Variants in ZRANB3 observed in about 807,000 individuals in gnomAD.
The protein encoded by ZRANB3 is zinc finger RANBP2-type containing 3.
A neutral mutation model predicts 133.8 loss-of-function variants in ZRANB3; 125 were observed. The ratio of observed to expected loss-of-function variants is 0.93; its 90% CI spans 0.81 to 1.08. The LOEUF is 1.08. Ranked by LOEUF, ZRANB3 falls within the 50% of genes least tolerant of loss-of-function variation. The probability of loss-of-function intolerance (pLI) is 0.00; values close to 1 mark genes in which losing one functional copy is unlikely to be tolerated. For synonymous variants in ZRANB3, 387 were observed against 432.7 expected (o/e 0.89, Z 1.31); for missense variants, 1,229 against 1,275.5 (o/e 0.96, Z 0.56).
chr2:135,295,052 G>A (rs1681975478), intron 8 of ZRANB3, among the ~76,000 whole-genome samples: 1 of 152,184 alleles, frequency 6.6e-6, no homozygotes, highest in African/African-American at 2.4e-5. Flanking sequence ...GTGGTGTGGT[G>A]CTGAAAAGAA....
chr2:135,403,568 C>T (rs779702683), intron 2 of ZRANB3, among the ~76,000 whole-genome samples: 8 of 152,224 alleles, frequency 5.3e-5, no homozygotes, highest in Non-Finnish European at 1.0e-4. Context: ...CCTCTGCAGA[C>T]TTAAATGTTC....
At chr2:135,253,079 A>G (rs963424538) in intron 12 of ZRANB3, among the ~76,000 whole-genome samples, 1 of 152,218 alleles carries the variant, frequency 6.6e-6, no homozygotes, top group South Asian at 2.1e-4. Context: ...AATAAAAAGG[A>G]ACTGGCTTTA....
chr2:135,353,262 G>A (rs1685287538), intron 4 of ZRANB3, 188 bp downstream of exon 4: 1 of 350,626 alleles, frequency 2.9e-6, no homozygotes, highest in Non-Finnish European at 5.0e-6. Context: ...AAGGAACTTA[G>A]AACTAAAATA....
chr2:135,309,684 T>TA (rs1487447610), intron 8 of ZRANB3, among the ~76,000 whole-genome samples: 1 of 152,084 alleles, frequency 6.6e-6, no homozygotes, highest in Admixed American at 6.6e-5. Context: ...CAAAATGTAT[T>TA]AAAAAAACTA....
intron 6 of ZRANB3, among the ~76,000 whole-genome samples, chr2:135,331,676 G>A (rs1684145831): frequency 6.6e-6 from 1 of 152,110 alleles, no homozygotes; most frequent in African/African-American, 2.4e-5. Flanking sequence ...ATTATTGTTT[G>A]GGAGTCTAGG....
At chr2:135,467,944 G>A (rs1574149046) in intron 2 of ZRANB3, among the ~76,000 whole-genome samples, 1 of 152,118 alleles carries the variant, frequency 6.6e-6, no homozygotes, top group East Asian at 1.9e-4. Context: ...GGAGATACCA[G>A]CTCAATATAC....
In ZRANB3 at chr2:135,505,578, A is replaced by G. The variant is rs982753143; in HGVS notation, c.-7-1082T>C. On this transcript the variant is annotated intron_variant, in intron 1 of 20. Coordinates refer to ENST00000264159, the MANE Select transcript of ZRANB3 (RefSeq NM_032143.4). ...GACAGAGTGAGACTCTGTCTCAAGGAAAAAAAAAAAAAGTTTGCTTTTTTC... is the reference window on the plus strand; with the variant it reads ...GACAGAGTGAGACTCTGTCTCAAGGGAAAAAAAAAAAAGTTTGCTTTTTTC... Among the ~76,000 whole-genome samples the G allele has an allele frequency of 3.5e-5, 5 of 142,294 alleles. No homozygotes were observed. The Admixed American group carries it at 3.6e-4, about 10-fold the overall frequency. 93.4% of individuals were successfully genotyped at this position (142,294 alleles called of 152,430 possible). A position where few individuals can be genotyped will look rare whatever the true frequency, so the allele number is the denominator to read the frequency against.
chr2:135,361,350 A>G (rs564792864), intron 3 of ZRANB3, among the ~76,000 whole-genome samples: 28 of 152,326 alleles, frequency 1.8e-4, no homozygotes, highest in Admixed American at 1.2e-3. Context: ...GAATACATTA[A>G]CCTCAAGAAC....
At chr2:135,224,685 T>C (rs932443692) in intron 14 of ZRANB3, among the ~76,000 whole-genome samples, 168 bp from the exon 15 acceptor site, 4 of 152,206 alleles carry the variant, frequency 2.6e-5, no homozygotes, top group African/African-American at 4.8e-5. Flanking sequence ...CGGTAGGCCA[T>C]TGAAGAGCAT....
chr2:135,218,849 A>G (rs904458762), intron 16 of ZRANB3, among the ~76,000 whole-genome samples: 2 of 152,250 alleles, frequency 1.3e-5, no homozygotes, highest in Non-Finnish European at 2.9e-5. Context: ...ATCCACAGAA[A>G]CAGCAACTGT....
rs752526961 is a variant in ZRANB3, at chr2:135,207,818, T to G, written c.2625A>C (p.Gly875=). The G allele has an allele frequency of 6.3e-7, 1 of 1,593,338 alleles. No individual in the cohort carries two copies. Among genetic ancestry groups the G allele is most frequent in the South Asian group, 1.1e-5 (1 of 90,246 alleles). Residue 875 remains glycine (G), a synonymous_variant, in exon 19 of 21, where the codon GGA becomes GGC. Coordinates refer to ENST00000264159, the MANE Select transcript of ZRANB3 (RefSeq NM_032143.4). ...DPFTKKLLED[G]ACVPFLNPYT... ...ATGGATTTAGAAATGGGACACAGGC[T>G]CCATCTTCAAGAAGTTTTCTACAAT...
chr2:135,530,375 C>T (rs1694468842), intron 1 of ZRANB3: 1 of 152,126 alleles, frequency 6.6e-6, no homozygotes, highest in African/African-American at 2.4e-5. Flanking sequence ...GATTGAAGGC[C>T]GGGGTGGAGA....
Position 135,198,178 on chromosome 2 carries a change from T to G in ZRANB3, c.*2164A>C, listed in dbSNP as rs1309568118. 1.3e-5 allele frequency: 2 copies of G among 152,232 alleles called. No homozygotes were observed. The highest frequency in any genetic ancestry group is 6.5e-5 in the Admixed American group (1 of 15,278). 9.4% of individuals were successfully genotyped at this position (152,232 alleles called of 1,614,324 possible). On this transcript the variant is annotated 3_prime_UTR_variant, in exon 21 of 21. Coordinates refer to ENST00000264159, the MANE Select transcript of ZRANB3 (RefSeq NM_032143.4). ...CTTGCTCTGACACTTTCTGTGTCCCTCTGTCATAACCTCCCATTTGCAATA... is the reference window on the plus strand; with the variant it reads ...CTTGCTCTGACACTTTCTGTGTCCCGCTGTCATAACCTCCCATTTGCAATA...
chr2:135,407,988 C>T (rs1461406714), intron 2 of ZRANB3, among the ~76,000 whole-genome samples: 2 of 151,662 alleles, frequency 1.3e-5, no homozygotes, highest in East Asian at 3.9e-4. Context: ...TCTAATTAAA[C>T]TAAAGAGCTT....
intron 2 of ZRANB3, among the ~76,000 whole-genome samples, chr2:135,439,455 A>G (rs1211890636): frequency 6.6e-6 from 1 of 152,148 alleles, no homozygotes; most frequent in Non-Finnish European, 1.5e-5. Flanking sequence ...AAAATGCAGA[A>G]TCTTGTTTTG....
At chr2:135,253,061 G>C (rs1016017691) in intron 12 of ZRANB3, among the ~76,000 whole-genome samples, 1 of 152,144 alleles carries the variant, frequency 6.6e-6, no homozygotes, top group Non-Finnish European at 1.5e-5. Context: ...CATACCAATA[G>C]CCTCATGAAT....
chr2:135,499,749 T>C (rs576723577), intron 2 of ZRANB3, among the ~76,000 whole-genome samples: 1 of 152,302 alleles, frequency 6.6e-6, no homozygotes, highest in African/African-American at 2.4e-5. Flanking sequence ...TTAAACACTG[T>C]TGATACAAGT....
intron 11 of ZRANB3, among the ~76,000 whole-genome samples, chr2:135,266,357 C>T (rs1680247579): frequency 1.3e-5 from 2 of 152,182 alleles, no homozygotes; most frequent in South Asian, 4.1e-4. Context: ...TATGAAATGG[C>T]TCTGCAGAGC....
chr2:135,501,787 G>T (rs1007418423), intron 2 of ZRANB3, among the ~76,000 whole-genome samples: 5 of 152,198 alleles, frequency 3.3e-5, no homozygotes, highest in African/African-American at 1.2e-4. Context: ...ATGATTCCTA[G>T]ATCAAATGTT....
Sources: allele counts gnomAD v4.1 joint callset (sites outside exome capture counted in the v4.1 genomes callset), GRCh38; gene constraint gnomAD v4.1.1; transcripts MANE v1.5; gene names NCBI Gene and HGNC (gene_info 2026-07-23, HGNC 2026-07-21).